Variants in REEP3 observed in about 807,000 individuals in gnomAD.
REEP3 encodes the protein receptor accessory protein 3.
In REEP3, 20 loss-of-function variants were observed where a neutral mutation model predicts 41.3. The observed-to-expected ratio is 0.48, with a 90% confidence interval of 0.34 to 0.70. REEP3 has a LOEUF of 0.70. Among genes scored for constraint, REEP3 ranks in the 30% least tolerant of loss-of-function variants. The pLI, the probability that REEP3 is intolerant of heterozygous loss-of-function variation, is 0.01. For missense variants in REEP3, 271 were observed against 308.8 expected, an observed-to-expected ratio of 0.88 and a Z score of 0.92; for synonymous variants, 104 against 101.8, an observed-to-expected ratio of 1.02 and a Z score of -0.13.
intron 1 of REEP3, among the ~76,000 whole-genome samples, chr10:63,535,870 AG>A (rs1206481717): frequency 6.6e-6 from 1 of 152,228 alleles, no homozygotes; most frequent in Non-Finnish European, 1.5e-5. Flanking sequence ...AAGTGTAAAA[AG>A]TACAGCACTT....
intron 6 of REEP3, among the ~76,000 whole-genome samples, chr10:63,612,014 A>C (rs1720806365): frequency 6.6e-6 from 1 of 152,086 alleles, no homozygotes; most frequent in African/African-American, 2.4e-5. Flanking sequence ...ACAAGTTGTG[A>C]CTATTATCTA....
chr10:63,615,213 G>A (rs1001570157), intron 6 of REEP3, among the ~76,000 whole-genome samples: 38 of 152,170 alleles, frequency 2.5e-4, no homozygotes, highest in East Asian at 9.6e-4. Context: ...GAGCTTTTTC[G>A]TTTGTTGTTG....
intron 1 of REEP3, among the ~76,000 whole-genome samples, chr10:63,535,582 CAT>C (rs1226897221): frequency 6.6e-6 from 1 of 152,084 alleles, no homozygotes; most frequent in African/African-American, 2.4e-5. Flanking sequence ...TTCACTATTA[CAT>C]GTCATGATTT....
intron 1 of REEP3, among the ~76,000 whole-genome samples, chr10:63,554,018 C>T (rs1338426126): frequency 6.6e-6 from 1 of 151,384 alleles, no homozygotes; most frequent in African/African-American, 2.4e-5. Context: ...AGGAGAATGG[C>T]GTGAACCCGG....
At chr10:63,553,230 A>ATGTTGG (rs1351503419) in intron 1 of REEP3, among the ~76,000 whole-genome samples, 8 of 152,222 alleles carry the variant, frequency 5.3e-5, no homozygotes, top group African/African-American at 1.7e-4. Context: ...GGCATGGGAA[A>ATGTTGG]AAATTACTGT....
At chr10:63,556,760 C>T (rs1162966943) in intron 1 of REEP3, among the ~76,000 whole-genome samples, 1 of 147,216 alleles carries the variant, frequency 6.8e-6, no homozygotes, top group Non-Finnish European at 1.5e-5. Flanking sequence ...CTCAGCCTCC[C>T]AAGTAGCTGG....
At chr10:63,606,617 C>T (rs1320935735) in intron 5 of REEP3, among the ~76,000 whole-genome samples, 1 of 152,214 alleles carries the variant, frequency 6.6e-6, no homozygotes, top group East Asian at 1.9e-4. Flanking sequence ...AATAGATACA[C>T]AAAGCATTAT....
At chr10:63,582,758 C>T (rs951938851) in intron 2 of REEP3, among the ~76,000 whole-genome samples, 2 of 151,850 alleles carry the variant, frequency 1.3e-5, no homozygotes, top group African/African-American at 4.8e-5. Context: ...TTTCTGCAGC[C>T]TCTGTGTACC....
At chr10:63,618,011 G>C (rs545282197) in intron 6 of REEP3, among the ~76,000 whole-genome samples, 1 of 151,050 alleles carries the variant, frequency 6.6e-6, no homozygotes, top group South Asian at 2.1e-4. Flanking sequence ...TTTTAGTAGA[G>C]TCGGGTGTTT....
intron 1 of REEP3, among the ~76,000 whole-genome samples, chr10:63,543,209 A>G (rs944794132): frequency 2.0e-5 from 3 of 152,218 alleles, no homozygotes; most frequent in African/African-American, 7.2e-5. Context: ...TTTCCCACAA[A>G]TCTGTTCACA....
At chr10:63,617,974 G>A (rs1353299789) in intron 6 of REEP3, among the ~76,000 whole-genome samples, 4 of 151,544 alleles carry the variant, frequency 2.6e-5, no homozygotes, top group African/African-American at 4.9e-5. Flanking sequence ...ACAGACTCCT[G>A]CCACCACGCC....
At chr10:63,579,337 T>C (rs971271483) in intron 2 of REEP3, among the ~76,000 whole-genome samples, 1 of 152,162 alleles carries the variant, frequency 6.6e-6, no homozygotes, top group Non-Finnish European at 1.5e-5. Flanking sequence ...GGCCCTTCAT[T>C]GTGTTTTCTA....
chr10:63,611,451 A>G (rs1589889008), intron 6 of REEP3, among the ~76,000 whole-genome samples: 1 of 152,260 alleles, frequency 6.6e-6, no homozygotes, highest in African/African-American at 2.4e-5. Context: ...AGTATAAATT[A>G]TGAACATGTC....
chr10:63,531,728 A>T (rs1955422608), intron 1 of REEP3, among the ~76,000 whole-genome samples: 1 of 152,166 alleles, frequency 6.6e-6, no homozygotes, highest in African/African-American at 2.4e-5. Flanking sequence ...TACGAGATAT[A>T]GTCCGCTCAG....
chr10:63,605,931 G>A (rs1277926426), intron 5 of REEP3, among the ~76,000 whole-genome samples: 1 of 152,158 alleles, frequency 6.6e-6, no homozygotes, highest in Non-Finnish European at 1.5e-5. Flanking sequence ...TTCTTACAGA[G>A]GCATTTGGGC....
intron 2 of REEP3, among the ~76,000 whole-genome samples, chr10:63,567,622 C>T (rs1955812573): frequency 6.6e-6 from 1 of 152,114 alleles, no homozygotes. Flanking sequence ...TGTCTTTTGG[C>T]TATTATGAAT....
At chr10:63,605,161 A>G (rs371663780) in intron 5 of REEP3, among the ~76,000 whole-genome samples, 2 of 152,262 alleles carry the variant, frequency 1.3e-5, no homozygotes, top group Non-Finnish European at 2.9e-5. Context: ...CTAAAAGAAT[A>G]TATAAATATG....
At chr10:63,599,014 C>G (rs1229217634) in intron 4 of REEP3, among the ~76,000 whole-genome samples, 156 bp from the exon 5 acceptor site, 1 of 151,754 alleles carries the variant, frequency 6.6e-6, no homozygotes, top group Non-Finnish European at 1.5e-5. Context: ...AGGAAGAGAC[C>G]CTCTCTCAAA....
At chr10:63,586,592 C>A (rs1252911609) in intron 2 of REEP3, among the ~76,000 whole-genome samples, 3 of 151,980 alleles carry the variant, frequency 2.0e-5, no homozygotes, top group Non-Finnish European at 4.4e-5. Context: ...TTCATTGTGA[C>A]CACTTTCAAG....
Sources: gnomAD v4.1 joint callset for allele counts (sites outside exome capture counted in the v4.1 genomes callset) on GRCh38, gnomAD v4.1.1 for gene constraint, MANE v1.5 for transcripts, NCBI Gene and HGNC (gene_info 2026-07-23, HGNC 2026-07-21) for gene names.